The following ARHGAP31 variants were observed in gnomAD, a reference collection of about 807,000 sequenced individuals.
ARHGAP31 encodes rho GTPase-activating protein 31.
A neutral mutation model predicts 113.9 loss-of-function variants in ARHGAP31; 34 were observed. That is an observed-to-expected ratio of 0.30 (90% CI 0.23 to 0.40). The LOEUF is 0.40. Among genes scored for constraint, ARHGAP31 ranks in the 10% least tolerant of loss-of-function variants. The pLI, the probability that ARHGAP31 is intolerant of heterozygous loss-of-function variation, is 1.00. For missense variants in ARHGAP31, 1,548 were observed against 1,767.1 expected, an observed-to-expected ratio of 0.88 and a Z score of 2.22; for synonymous variants, 650 against 684.8, an observed-to-expected ratio of 0.95 and a Z score of 0.79.
chr3:119,352,252 T>C (rs56138714), intron 1 of ARHGAP31, among the ~76,000 whole-genome samples: 15,861 of 152,196 alleles, frequency 0.1, 898 homozygotes, highest in Admixed American at 0.18. Flanking sequence ...AGCATTTGAA[T>C]CTTTTTCTCT....
intron 1 of ARHGAP31, among the ~76,000 whole-genome samples, chr3:119,337,503 C>A (rs944979965): frequency 1.3e-5 from 2 of 152,150 alleles, no homozygotes; most frequent in African/African-American, 4.8e-5. Context: ...ACAATACTGA[C>A]GGGACCCAAA....
At chr3:119,313,865 T>C (rs867177364) in intron 1 of ARHGAP31, among the ~76,000 whole-genome samples, 14 of 152,226 alleles carry the variant, frequency 9.2e-5, no homozygotes, top group African/African-American at 2.2e-4. Context: ...AGCCAGAGTA[T>C]ATCTTAAGGT....
intron 1 of ARHGAP31, among the ~76,000 whole-genome samples, chr3:119,345,237 C>T (rs764213173): frequency 3.9e-5 from 6 of 152,262 alleles, no homozygotes; most frequent in South Asian, 2.1e-4. Context: ...CCACCCACCT[C>T]GGCCTCCCAA....
At chr3:119,310,510 A>G (rs1171134643) in intron 1 of ARHGAP31, among the ~76,000 whole-genome samples, 1 of 152,200 alleles carries the variant, frequency 6.6e-6, no homozygotes, top group African/African-American at 2.4e-5. Flanking sequence ...GCAAGAGAGC[A>G]TTACTGCCTG....
chr3:119,335,791 G>T (rs1364175570), intron 1 of ARHGAP31, among the ~76,000 whole-genome samples: 1 of 152,202 alleles, frequency 6.6e-6, no homozygotes. Context: ...CCTAGGGATT[G>T]TTCATGGTTC....
chr3:119,383,038 T>C, intron 5 of ARHGAP31, 46 bp from the exon 6 acceptor site: 1 of 1,612,516 alleles, frequency 6.2e-7, no homozygotes, highest in African/African-American at 1.3e-5. Flanking sequence ...CTGCTTCAGG[T>C]TGTAAGGCAA....
At chr3:119,410,422 C>A (rs1043821902) in intron 11 of ARHGAP31, among the ~76,000 whole-genome samples, 1 of 152,170 alleles carries the variant, frequency 6.6e-6, no homozygotes, top group Non-Finnish European at 1.5e-5. Flanking sequence ...CAGAGGAGGG[C>A]ACCAGAAAGG....
chr3:119,377,752 C>CT (rs5852201), intron 3 of ARHGAP31, among the ~76,000 whole-genome samples: 11,839 of 141,494 alleles, frequency 0.084, 857 homozygotes, highest in African/African-American at 0.19. Flanking sequence ...GGATGCTTTC[C>CT]TTTTTTTTTT....
At chr3:119,342,846 G>A (rs1373659024) in intron 1 of ARHGAP31, among the ~76,000 whole-genome samples, 1 of 152,128 alleles carries the variant, frequency 6.6e-6, no homozygotes, top group Non-Finnish European at 1.5e-5. Context: ...CTACTCGGGA[G>A]GCTGAGGCAG....
intron 8 of ARHGAP31, among the ~76,000 whole-genome samples, chr3:119,397,340 C>A (rs1320637179): frequency 2.6e-5 from 4 of 152,214 alleles, no homozygotes; most frequent in African/African-American, 9.6e-5. Flanking sequence ...GCTACCCGGC[C>A]TCTGTGACAC....
chr3:119,331,900 A>G (rs928693023), intron 1 of ARHGAP31, among the ~76,000 whole-genome samples: 1 of 151,998 alleles, frequency 6.6e-6, no homozygotes, highest in Admixed American at 6.6e-5. Context: ...GGCTGCCTGC[A>G]CCGCCTCACT....
rs752955355 is a variant in ARHGAP31 at position 119,401,968 on chromosome 3, G to A, written c.1216G>A (p.Gly406Arg). The A allele has an allele frequency of 1.2e-6, 2 of 1,614,140 alleles. No individual in the cohort carries two copies. Among genetic ancestry groups the A allele is most frequent in the East Asian group, 4.5e-5 (2 of 44,884 alleles). ...GEWGQEGMPP[G>R]AEGGFDVSSD... ...ATGGGGCCAGGAGGGGATGCCTCCC[G>A]GGGCTGAGGGTGGCTTTGATGTGAG... Residue 406 changes from glycine (G) to arginine (R), a missense_variant, in exon 10 of 12, where the codon GGG becomes AGG. Transcript: ENST00000264245.
At chr3:119,368,217 C>T (rs779395569) in intron 2 of ARHGAP31, among the ~76,000 whole-genome samples, 155 bp from the exon 3 acceptor site, 3 of 152,138 alleles carry the variant, frequency 2.0e-5, no homozygotes, top group Non-Finnish European at 4.4e-5. Flanking sequence ...CCTGTGACTT[C>T]CTAGGGCCTG....
intron 3 of ARHGAP31, among the ~76,000 whole-genome samples, chr3:119,380,306 A>G (rs2080385038): frequency 6.6e-6 from 1 of 152,056 alleles, no homozygotes; most frequent in Admixed American, 6.5e-5. Context: ...TGCACCCAGA[A>G]AGACAGCTGG....
intron 3 of ARHGAP31, among the ~76,000 whole-genome samples, chr3:119,369,854 GCAA>G (rs919476267): frequency 6.0e-5 from 9 of 150,510 alleles, no homozygotes; most frequent in Admixed American, 1.3e-4. Context: ...CTTTTAGCAA[GCAA>G]CAACAACAAC....
intron 10 of ARHGAP31, among the ~76,000 whole-genome samples, chr3:119,408,531 T>C (rs1441104916): frequency 6.6e-6 from 1 of 152,256 alleles, no homozygotes; most frequent in Non-Finnish European, 1.5e-5. Context: ...GACACTGCTA[T>C]ATGCTTTGTC....
At chr3:119,350,475 C>T (rs1356133541) in intron 1 of ARHGAP31, among the ~76,000 whole-genome samples, 1 of 152,082 alleles carries the variant, frequency 6.6e-6, no homozygotes, top group African/African-American at 2.4e-5. Flanking sequence ...AATACAAAAA[C>T]GAGAAGCCCC....
chr3:119,308,882 C>G (rs1353906660), intron 1 of ARHGAP31, among the ~76,000 whole-genome samples: 1 of 152,024 alleles, frequency 6.6e-6, no homozygotes, highest in Non-Finnish European at 1.5e-5. Context: ...ACTTTATCAC[C>G]CAGGCTGGAG....
chr3:119,393,624 A>G, intron 8 of ARHGAP31, 33 bp downstream of exon 8: 1 of 1,613,056 alleles, frequency 6.2e-7, no homozygotes, highest in Non-Finnish European at 8.5e-7. Flanking sequence ...TTATGATACA[A>G]ATATTTGTTT....
Sources: allele counts gnomAD v4.1 joint callset (sites outside exome capture counted in the v4.1 genomes callset), GRCh38; gene constraint gnomAD v4.1.1; transcripts MANE v1.5; gene names NCBI Gene and HGNC (gene_info 2026-07-23, HGNC 2026-07-21).